RANBP3: variants seen among roughly 807,000 people sequenced by gnomAD.
The protein encoded by RANBP3 is RAN binding protein 3, also known as ran-binding protein 3.
Under a neutral mutation model 77.3 loss-of-function variants are expected in RANBP3, and 14 were observed. That is an observed-to-expected ratio of 0.18 (90% CI 0.12 to 0.28). The LOEUF is 0.28. Ranked by LOEUF, RANBP3 falls within the 10% of genes least tolerant of loss-of-function variation. RANBP3 has a pLI of 1.00. For synonymous variants in RANBP3, 315 were observed against 312.4 expected, an observed-to-expected ratio of 1.01 and a Z score of -0.09; for missense variants, 586 against 752.3, an observed-to-expected ratio of 0.78 and a Z score of 2.59.
chr19:5,926,861 G>A (rs1015182483), intron 9 of RANBP3, among the ~76,000 whole-genome samples: 3 of 152,130 alleles, frequency 2.0e-5, no homozygotes, highest in Non-Finnish European at 4.4e-5. Flanking sequence ...TCTGTTGGAC[G>A]GTGAGTAACA....
At chr19:5,925,569 G>A in intron 10 of RANBP3, 65 bp downstream of exon 10, 1 of 1,435,336 alleles carries the variant, frequency 7.0e-7, no homozygotes. Flanking sequence ...ACCCCTCTCT[G>A]GCAGAAGCCC....
intron 1 of RANBP3, among the ~76,000 whole-genome samples, chr19:5,967,250 A>G (rs534022409): frequency 1.3e-5 from 2 of 152,332 alleles, no homozygotes; most frequent in East Asian, 3.9e-4. Context: ...TATTTCTATA[A>G]CTTTCAACTG....
intron 5 of RANBP3, chr19:5,935,604 G>GCGCTAA (rs1051260060): frequency 7.7e-5 from 33 of 428,086 alleles, no homozygotes; most frequent in South Asian, 3.8e-4. Flanking sequence ...TGCAGCGCTG[G>GCGCTAA]CGCTAACGCT....
chr19:5,951,576 G>GT lies in RANBP3; in HGVS notation c.98dup (p.Asn33LysfsTer14). The GT allele has an allele frequency of 2.5e-6, 4 of 1,613,710 alleles. No homozygotes were observed. The highest frequency in any genetic ancestry group is 3.4e-6 in the Non-Finnish European group (4 of 1,179,870). The stretch of plus-strand genomic sequence containing the variant: ...GAGGCTCCTCTCCCGAATCCGACAA[G>GT]TTTTTTTGCTCTGCAGGGGACTGGG... On this transcript the variant is annotated frameshift_variant, in exon 3 of 17. Transcript: ENST00000340578. LOFTEE classifies it high-confidence loss of function.
At chr19:5,930,095 G>T (rs992052668) in intron 8 of RANBP3, among the ~76,000 whole-genome samples, 5 of 152,204 alleles carry the variant, frequency 3.3e-5, no homozygotes, top group Non-Finnish European at 7.3e-5. Flanking sequence ...ACTCACCATC[G>T]GGGACAATCA....
intron 6 of RANBP3, 69 bp downstream of exon 6, chr19:5,933,345 G>A (rs949887856): frequency 3.9e-6 from 5 of 1,291,328 alleles, no homozygotes; most frequent in South Asian, 2.7e-5. Context: ...CGGTGCCCTG[G>A]TGTGGCCTAG....
intron 1 of RANBP3, among the ~76,000 whole-genome samples, chr19:5,961,851 G>A (rs1053308012): frequency 5.3e-5 from 8 of 151,986 alleles, no homozygotes; most frequent in African/African-American, 1.7e-4. Flanking sequence ...CCACTGTGGT[G>A]GCACTGAAAA....
intron 1 of RANBP3, among the ~76,000 whole-genome samples, chr19:5,966,320 T>C (rs1304542975): frequency 2.0e-5 from 3 of 152,178 alleles, no homozygotes; most frequent in Non-Finnish European, 2.9e-5. Flanking sequence ...GCCAACACAG[T>C]GTGTGATTAT....
At chr19:5,973,620 T>C (rs371336505) in intron 1 of RANBP3, among the ~76,000 whole-genome samples, 84 of 152,338 alleles carry the variant, frequency 5.5e-4, no homozygotes, top group African/African-American at 2.0e-3. Context: ...GCCCAGGCCC[T>C]GCTGGTCTTC....
At chr19:5,920,190 A>C (rs1364167188) in intron 14 of RANBP3, among the ~76,000 whole-genome samples, 1 of 152,198 alleles carries the variant, frequency 6.6e-6, no homozygotes, top group Non-Finnish European at 1.5e-5. Context: ...TGATGCCAGG[A>C]GCTCAAGACC....
At chr19:5,937,694 T>C (rs117280037) in intron 5 of RANBP3, among the ~76,000 whole-genome samples, 1,835 of 152,316 alleles carry the variant, frequency 0.012, 22 homozygotes, top group Non-Finnish European at 0.018. Flanking sequence ...GTGTGGCTGA[T>C]ATGACTGCCT....
chr19:5,951,249 G>C, intron 3 of RANBP3, 144 bp downstream of exon 3: 1 of 822,458 alleles, frequency 1.2e-6, no homozygotes, highest in Non-Finnish European at 2.0e-6. Context: ...AAAGCGAGCT[G>C]GAAGAAATCC....
At chr19:5,939,920 C>T (rs1210193501) in intron 5 of RANBP3, among the ~76,000 whole-genome samples, 3 of 152,232 alleles carry the variant, frequency 2.0e-5, no homozygotes, top group African/African-American at 7.2e-5. Context: ...CATTGGAGGC[C>T]CTGACTCCTC....
chr19:5,931,638 G>A, intron 7 of RANBP3, 107 bp from the exon 8 acceptor site: 2 of 1,244,460 alleles, frequency 1.6e-6, no homozygotes, highest in Admixed American at 2.6e-5. Flanking sequence ...CCCCTCCCAT[G>A]GTAAAGCCCA....
chr19:5,925,560 C>A (rs1599726179), intron 10 of RANBP3, 74 bp downstream of exon 10: 2 of 1,333,662 alleles, frequency 1.5e-6, no homozygotes, highest in East Asian at 2.3e-5. Context: ...GGACCACAGA[C>A]CCCTCTCTGG....
At chr19:5,969,625 C>T (rs367809604) in intron 1 of RANBP3, among the ~76,000 whole-genome samples, 7 of 152,366 alleles carry the variant, frequency 4.6e-5, no homozygotes, top group East Asian at 1.9e-4. Context: ...CTAGAGTTTA[C>T]TGACTCACCG....
intron 5 of RANBP3, among the ~76,000 whole-genome samples, chr19:5,938,975 A>G (rs2058099780): frequency 6.6e-6 from 1 of 152,160 alleles, no homozygotes; most frequent in African/African-American, 2.4e-5. Flanking sequence ...ACCTGAGGTC[A>G]GGAGTTGGAG....
chr19:5,957,886 C>CGAAGTGAAGAGAGA (rs2058354232), intron 2 of RANBP3, 32 bp downstream of exon 2: 2 of 1,610,186 alleles, frequency 1.2e-6, no homozygotes, highest in African/African-American at 2.7e-5. Flanking sequence ...ATTAGAGTAA[C>CGAAGTGAAGAGAGA]GAAGTGAAGA....
chr19:5,928,115 A>G, intron 8 of RANBP3, 28 bp from the exon 9 acceptor site: 1 of 1,600,878 alleles, frequency 6.2e-7, no homozygotes, highest in African/African-American at 1.4e-5. Flanking sequence ...AAAACAGAGT[A>G]ATCAAAACCA....
Sources: gnomAD v4.1 joint callset for allele counts (sites outside exome capture counted in the v4.1 genomes callset) on GRCh38, gnomAD v4.1.1 for gene constraint, MANE v1.5 for transcripts, NCBI Gene and HGNC (gene_info 2026-07-23, HGNC 2026-07-21) for gene names.